The following KCNC2 variants were observed in gnomAD, a reference collection of about 807,000 sequenced individuals.
KCNC2 encodes the protein potassium voltage-gated channel subfamily C member 2.
Under a neutral mutation model 44.5 loss-of-function variants are expected in KCNC2, and 21 were observed. That is an observed-to-expected ratio of 0.47 (90% CI 0.33 to 0.68). KCNC2 has a LOEUF of 0.68. KCNC2 is among the 30% of genes least tolerant of loss of function. The pLI, the probability that KCNC2 is intolerant of heterozygous loss-of-function variation, is 0.01. For missense variants in KCNC2, 589 were observed against 826.2 expected, an observed-to-expected ratio of 0.71 and a Z score of 3.52; for synonymous variants, 391 against 339.1, an observed-to-expected ratio of 1.15 and a Z score of -1.68.
chr12:75,094,847 C>T (rs1170036049), intron 2 of KCNC2, among the ~76,000 whole-genome samples: 1 of 151,726 alleles, frequency 6.6e-6, no homozygotes, highest in Non-Finnish European at 1.5e-5. Context: ...CTCTCAAACT[C>T]AAATCCCTCC....
intron 2 of KCNC2, among the ~76,000 whole-genome samples, chr12:75,130,600 A>T (rs1888768792): frequency 6.6e-6 from 1 of 152,210 alleles, no homozygotes; most frequent in Non-Finnish European, 1.5e-5. Flanking sequence ...AAAGTGATGA[A>T]CACATCAATA....
chr12:75,107,036 G>A (rs1886841739), intron 2 of KCNC2, among the ~76,000 whole-genome samples: 1 of 151,992 alleles, frequency 6.6e-6, no homozygotes, highest in Non-Finnish European at 1.5e-5. Context: ...TGGGCGTGGT[G>A]GCTCACGCCT....
At chr12:75,109,754 CTG>C (rs1426821216) in intron 2 of KCNC2, among the ~76,000 whole-genome samples, 2 of 151,992 alleles carry the variant, frequency 1.3e-5, no homozygotes, top group Non-Finnish European at 2.9e-5. Context: ...ACCCAGAAAA[CTG>C]TGGATAAAGT....
intron 2 of KCNC2, among the ~76,000 whole-genome samples, chr12:75,083,382 T>C (rs1884681097): frequency 6.6e-6 from 1 of 151,860 alleles, no homozygotes; most frequent in Non-Finnish European, 1.5e-5. Flanking sequence ...GAAACAACTA[T>C]CCCATGTGCA....
At chr12:75,052,526 A>G (rs1022798228) in intron 2 of KCNC2, among the ~76,000 whole-genome samples, 3 of 152,146 alleles carry the variant, frequency 2.0e-5, no homozygotes, top group Non-Finnish European at 4.4e-5. Context: ...AGCATGCTAA[A>G]TGAACACCAA....
At chr12:75,197,363 G>A (rs111360149) in intron 2 of KCNC2, among the ~76,000 whole-genome samples, 124 of 151,854 alleles carry the variant, frequency 8.2e-4, no homozygotes, top group African/African-American at 2.8e-3. Flanking sequence ...GATATTCCCC[G>A]TTAAGCCTTC....
chr12:75,068,519 T>A (rs1883060482), intron 2 of KCNC2, among the ~76,000 whole-genome samples: 1 of 152,162 alleles, frequency 6.6e-6, no homozygotes, highest in Non-Finnish European at 1.5e-5. Flanking sequence ...GTTAATAATT[T>A]ATACAAAGTA....
At chr12:75,083,386 A>G (rs2137089950) in intron 2 of KCNC2, among the ~76,000 whole-genome samples, 2 of 152,032 alleles carry the variant, frequency 1.3e-5, no homozygotes, top group South Asian at 4.1e-4. Flanking sequence ...CAACTATCCC[A>G]TGTGCATTTA....
intron 2 of KCNC2, among the ~76,000 whole-genome samples, chr12:75,089,352 A>C (rs1488327668): frequency 6.6e-6 from 1 of 151,840 alleles, no homozygotes; most frequent in African/African-American, 2.4e-5. Context: ...TTCACTATGT[A>C]ATACTCCTGA....
intron 2 of KCNC2, among the ~76,000 whole-genome samples, chr12:75,142,115 A>G (rs1337130253): frequency 6.6e-6 from 1 of 152,178 alleles, no homozygotes; most frequent in East Asian, 1.9e-4. Context: ...TACAACTGTC[A>G]CTAAAAATCC....
chr12:75,042,812 T>C lies in KCNC2; in HGVS notation c.*293A>G. On this transcript the variant is annotated 3_prime_UTR_variant, in exon 5 of 5. Transcript: ENST00000549446. ...TTAAATATATCTCCCTGAAGGTATG[T>C]TTATATATTAGTGCACTGGTCAATA... 1 of 1,205,160 alleles carries C rather than the reference T, an allele frequency of 8.3e-7. No individual in the cohort carries two copies. Among genetic ancestry groups the C allele is most frequent in the Non-Finnish European group, 1.0e-6 (1 of 968,256 alleles). The allele number at this position is 1,205,160 out of a possible 1,614,324, so 74.7% of individuals were successfully genotyped here. A position where few individuals can be genotyped will look rare whatever the true frequency, so the allele number is the denominator to read the frequency against.
In KCNC2 at chr12:75,143,777, C is replaced by T. The variant is rs1464063459; in HGVS notation, c.687+63520G>A. Among the ~76,000 whole-genome samples the T allele has an allele frequency of 2.6e-5, 4 of 152,102 alleles. No individual in the cohort carries two copies. In the East Asian group the frequency reaches 7.7e-4, roughly 29 times the overall value. On this transcript the variant is annotated intron_variant, in intron 2 of 4. Coordinates refer to ENST00000549446, the MANE Select transcript of KCNC2 (RefSeq NM_139137.4). Reference sequence around the variant, plus strand: ...GTTGTATTTTTCACCATGACATTTGCTTCTACCTGCAAAAATAATAGAAAA... The same window carrying T: ...GTTGTATTTTTCACCATGACATTTGTTTCTACCTGCAAAAATAATAGAAAA...
At chr12:75,184,338 A>G (rs1156899602) in intron 2 of KCNC2, among the ~76,000 whole-genome samples, 1 of 152,024 alleles carries the variant, frequency 6.6e-6, no homozygotes, top group African/African-American at 2.4e-5. Context: ...GCATATGCAT[A>G]TTTTTCCCAG....
intron 2 of KCNC2, among the ~76,000 whole-genome samples, chr12:75,137,875 C>T (rs1282633111): frequency 6.6e-6 from 1 of 152,128 alleles, no homozygotes; most frequent in African/African-American, 2.4e-5. Flanking sequence ...AAGAAGTGTG[C>T]CTGTTAGCAG....
Position 75,048,205 on chromosome 12 carries a change from GA to G in KCNC2, c.1727del (p.Phe576SerfsTer3). 1 of 1,613,028 alleles carries G rather than the reference GA, an allele frequency of 6.2e-7. No homozygotes were observed. The highest frequency in any genetic ancestry group is 8.5e-7 in the Non-Finnish European group (1 of 1,179,402). ...RDKNRRGETC[F>X]LLTTGDYTCA... Reference sequence around the variant, plus strand: ...ACGTGTAATCACCTGTCGTCAGTAGGAAACATGTTTCCCCTCTTCTGTTTTT... The same window carrying G: ...ACGTGTAATCACCTGTCGTCAGTAGGAACATGTTTCCCCTCTTCTGTTTTT... On this transcript the variant is annotated frameshift_variant, in exon 4 of 5. Transcript: ENST00000549446. LOFTEE classifies it high-confidence loss of function.
chr12:75,049,833 G>T (rs1880976882), intron 3 of KCNC2, among the ~76,000 whole-genome samples: 1 of 151,996 alleles, frequency 6.6e-6, no homozygotes, highest in Admixed American at 6.6e-5. Context: ...CAATCCTCCA[G>T]GATATTACTA....
chr12:75,205,842 T>G (rs1034736969), intron 2 of KCNC2, among the ~76,000 whole-genome samples: 1 of 149,470 alleles, frequency 6.7e-6, no homozygotes, highest in African/African-American at 2.4e-5. Flanking sequence ...GGTTTGGGTT[T>G]TTTTTTTTTT....
Position 75,207,383 on chromosome 12 carries a change from G to T in KCNC2, c.601C>A (p.Pro201Thr), listed in dbSNP as rs751946748. The T allele has an allele frequency of 6.3e-7, 1 of 1,581,534 alleles. No individual in the cohort carries two copies. The highest frequency in any genetic ancestry group is 1.1e-5 in the South Asian group (1 of 87,100). The change falls in exon 2 of 5, where the codon CCC becomes ACC. Residue 201 changes from proline (P) to threonine (T), a missense_variant. By Grantham distance (38) the Pro-to-Thr change is conservative. Coordinates refer to ENST00000549446, the MANE Select transcript of KCNC2 (RefSeq NM_139137.4). The surrounding 1 kb of genome is among the most constrained non-coding windows in gnomAD (Gnocchi z 4.1). Reference sequence around the variant, plus strand: ...CTCCAGCGGCCAGATTTGCCGTCGGGGCCCCCGAGCCCCGCCGCGTCCTCG... The same window carrying T: ...CTCCAGCGGCCAGATTTGCCGTCGGTGCCCCCGAGCCCCGCCGCGTCCTCG... ...GIEDAAGLGG[P>T]DGKSGRWRRL... is the part of the protein sequence containing the mutation.
chr12:75,078,549 T>C (rs923504423), intron 2 of KCNC2, among the ~76,000 whole-genome samples: 2 of 152,192 alleles, frequency 1.3e-5, no homozygotes, highest in Non-Finnish European at 2.9e-5. Flanking sequence ...ACTATACAAA[T>C]AGTACTGTTC....
Sources: gnomAD v4.1 joint callset for allele counts (sites outside exome capture counted in the v4.1 genomes callset) on GRCh38, gnomAD v4.1.1 for gene constraint, Gnocchi (gnomAD v3.1) non-coding constraint, MANE v1.5 for transcripts, NCBI Gene and HGNC (gene_info 2026-07-23, HGNC 2026-07-21) for gene names.